COL4A3: variants seen among roughly 807,000 people sequenced by gnomAD.
COL4A3 encodes the protein collagen alpha-3(IV) chain.
Under a neutral mutation model 217.4 loss-of-function variants are expected in COL4A3, and 135 were observed. The observed-to-expected ratio is 0.62, with a 90% CI of 0.54 to 0.72. The LOEUF (loss-of-function observed/expected upper bound fraction) is 0.72. Among genes scored for constraint, COL4A3 ranks in the 30% least tolerant of loss-of-function variants. The probability of loss-of-function intolerance (pLI) is 0.00; values close to 1 mark genes in which losing one functional copy is unlikely to be tolerated. For missense variants in COL4A3, 1,868 were observed against 2,119.9 expected (o/e 0.88, Z 2.33); for synonymous variants, 690 against 736.3 (o/e 0.94, Z 1.02).
chr2:227,242,132 T>C (rs777108417), intron 3 of COL4A3, among the ~76,000 whole-genome samples: 1 of 152,200 alleles, frequency 6.6e-6, no homozygotes, highest in Non-Finnish European at 1.5e-5. Flanking sequence ...TGTCCCTGTT[T>C]CAGGACTAGT....
intron 26 of COL4A3, among the ~76,000 whole-genome samples, chr2:227,274,006 G>A (rs2071399998): frequency 6.6e-6 from 1 of 152,098 alleles, no homozygotes; most frequent in Non-Finnish European, 1.5e-5. Context: ...GGAGGCCAAG[G>A]TGGGCAGATC....
chr2:227,293,869 TA>T, intron 38 of COL4A3: 3 of 449,590 alleles, frequency 6.7e-6, no homozygotes, highest in Non-Finnish European at 1.4e-5. Flanking sequence ...TCTTTTCTTA[TA>T]AAGACACCAC....
chr2:227,261,591 G>A (rs1390741363), intron 20 of COL4A3, among the ~76,000 whole-genome samples: 1 of 152,214 alleles, frequency 6.6e-6, no homozygotes, highest in African/African-American at 2.4e-5. Flanking sequence ...GTGGAAGAAG[G>A]AGTGGAGCTG....
Position 227,282,563 on chromosome 2 carries a change from T to C in COL4A3, c.2656+31T>C. On this transcript the variant is annotated intron_variant, in intron 32 of 51. Transcript: ENST00000396578. This position sits in a 1 kb window ranked among gnomAD's most constrained non-coding sequence, Gnocchi z 4.4. ...CTTTTGTGTGTTTCTATTTTTCTTC[T>C]TATTTCTTCTTCTTCTTAAGGTGGC... 2 of 1,602,378 alleles carry C rather than the reference T, an allele frequency of 1.2e-6. No individual in the cohort carries two copies. The highest frequency in any genetic ancestry group is 1.7e-6 in the Non-Finnish European group (2 of 1,170,244).
chr2:227,229,755 A>G (rs2068290075), intron 1 of COL4A3, among the ~76,000 whole-genome samples: 2 of 152,166 alleles, frequency 1.3e-5, no homozygotes, highest in Non-Finnish European at 2.9e-5. Context: ...TGGAAGGATT[A>G]AGAAATTTCC....
Position 227,273,064 on chromosome 2 carries a change from G to C in COL4A3, c.1874G>C (p.Gly625Ala). ...PPGYGPQGEP[G>A]LQGTQGVPGA... is the part of the protein sequence containing the mutation. Reference sequence around the variant, plus strand: ...GGCTACGGACCCCAAGGAGAACCTGGTCTCCAGGGCACGCAAGGAGTTCCT... The same window carrying C: ...GGCTACGGACCCCAAGGAGAACCTGCTCTCCAGGGCACGCAAGGAGTTCCT... The change falls in exon 26 of 52, where the codon GGT becomes GCT. Residue 625 changes from glycine (G) to alanine (A), a missense_variant. Gly to Ala is a moderately conservative substitution (Grantham distance 60). Around this residue, in one of 2 missense-constraint regions of COL4A3, gnomAD observed 1,503 missense variants for 1,786.1 expected, o/e 0.84. Transcript: ENST00000396578. 1 of 1,614,108 alleles carries C rather than the reference G, an allele frequency of 6.2e-7. No individual in the cohort carries two copies. Among genetic ancestry groups the C allele is most frequent in the African/African-American group, 1.3e-5 (1 of 75,046 alleles).
intron 1 of COL4A3, among the ~76,000 whole-genome samples, chr2:227,209,199 G>A (rs1396459615): frequency 1.3e-5 from 2 of 152,230 alleles, no homozygotes; most frequent in East Asian, 3.8e-4. Flanking sequence ...GTCATCCCAG[G>A]ATAATCTTGG....
chr2:227,248,487 C>T lies in COL4A3; in HGVS notation c.513C>T (p.Gly171=), dbSNP rs199514043. The change falls in exon 9 of 52, where the codon GGC becomes GGT. Residue 171 remains glycine, a synonymous_variant. Coordinates refer to ENST00000396578, the MANE Select transcript of COL4A3 (RefSeq NM_000091.5). ...AAGATATAGAACTTGATGCAAAAGG[C>T]GACCCCGGGTTGCCAGGGGCTCCAG... ...KEEDIELDAK[G]DPGLPGAPGP... 68 of 1,613,134 alleles carry T rather than the reference C, an allele frequency of 4.2e-5. No individual in the cohort carries two copies. The highest frequency in any genetic ancestry group is 1.8e-4 in the South Asian group (16 of 91,064).
At chr2:227,308,811 G>T (rs2073619971) in intron 48 of COL4A3, 88 bp from the exon 49 acceptor site, 1 of 1,368,168 alleles carries the variant, frequency 7.3e-7, no homozygotes. Flanking sequence ...TTTGCTGCAG[G>T]TTACATTTAA....
chr2:227,192,088 A>G (rs1207366164), intron 1 of COL4A3, among the ~76,000 whole-genome samples: 2 of 152,220 alleles, frequency 1.3e-5, no homozygotes, highest in African/African-American at 2.4e-5. Context: ...GTGCTCAAGT[A>G]TTCATTTTTA....
intron 37 of COL4A3, 79 bp from the exon 38 acceptor site, chr2:227,293,112 A>T: frequency 6.3e-7 from 1 of 1,577,442 alleles, no homozygotes; most frequent in South Asian, 1.1e-5. Context: ...TGAAAAAATT[A>T]GTGAATAAAG....
intron 1 of COL4A3, among the ~76,000 whole-genome samples, chr2:227,193,677 A>G (rs550286799): frequency 6.7e-5 from 10 of 149,112 alleles, no homozygotes; most frequent in Non-Finnish European, 1.2e-4. Flanking sequence ...GCACCAGTGC[A>G]CTCCAGCCTG....
intron 34 of COL4A3, among the ~76,000 whole-genome samples, chr2:227,288,300 T>C (rs1280230492): frequency 6.6e-6 from 1 of 152,186 alleles, no homozygotes; most frequent in Non-Finnish European, 1.5e-5. Flanking sequence ...TTTCACCATG[T>C]TGGCCAGGCT....
intron 46 of COL4A3, chr2:227,304,425 T>C (rs1300065981): frequency 2.5e-6 from 1 of 395,044 alleles, no homozygotes; most frequent in Admixed American, 4.0e-5. Context: ...TATGTCTATC[T>C]CCTCTGACAA....
chr2:227,305,026 C>T lies in COL4A3; in HGVS notation c.4195C>T (p.Pro1399Ser), dbSNP rs768549375. The T allele has an allele frequency of 1.2e-6, 2 of 1,613,828 alleles. No individual in the cohort carries two copies. Among genetic ancestry groups the T allele is most frequent in the Admixed American group, 1.7e-5 (1 of 59,970 alleles). ...PRGKPGKDGK[P>S]GTPGPAGEKG... is the part of the protein sequence containing the mutation. ...AGGTAAGCCAGGCAAGGATGGAAAACCAGGAACTCCTGGACCAGCTGGAGA... is the reference window on the plus strand; with the variant it reads ...AGGTAAGCCAGGCAAGGATGGAAAATCAGGAACTCCTGGACCAGCTGGAGA... Residue 1399 changes from proline (P) to serine (S), a missense_variant, in exon 47 of 52, where the codon CCA (proline) becomes TCA (serine). Coordinates refer to ENST00000396578, the MANE Select transcript of COL4A3 (RefSeq NM_000091.5).
intron 42 of COL4A3, among the ~76,000 whole-genome samples, chr2:227,298,410 C>A (rs1241147626): frequency 6.6e-6 from 1 of 152,078 alleles, no homozygotes; most frequent in Non-Finnish European, 1.5e-5. Context: ...TTGTTGAATC[C>A]CTAGAGCTGG....
At chr2:227,180,157 G>A (rs1423509680) in intron 1 of COL4A3, among the ~76,000 whole-genome samples, 1 of 152,176 alleles carries the variant, frequency 6.6e-6, no homozygotes, top group African/African-American at 2.4e-5. Context: ...AAGGTTTACA[G>A]ACACGGACTA....
chr2:227,222,172 G>A (rs12476209), intron 1 of COL4A3, among the ~76,000 whole-genome samples: 44,371 of 91,230 alleles, frequency 0.49, 7,960 homozygotes, highest in Non-Finnish European at 0.55. Context: ...TAATGATAAT[G>A]ATAATAAAAA....
intron 1 of COL4A3, among the ~76,000 whole-genome samples, chr2:227,207,536 G>C (rs1344972149): frequency 6.6e-6 from 1 of 152,128 alleles, no homozygotes; most frequent in Admixed American, 6.5e-5. Flanking sequence ...GTACAGTACA[G>C]GCTTCCCACC....
Sources: allele counts gnomAD v4.1 joint callset (sites outside exome capture counted in the v4.1 genomes callset), GRCh38; gene constraint gnomAD v4.1.1; regional missense constraint gnomAD v4.1.1; non-coding constraint Gnocchi (gnomAD v3.1); transcripts MANE v1.5; gene names NCBI Gene and HGNC (gene_info 2026-07-23, HGNC 2026-07-21).